The following SEC23IP variants were observed in gnomAD, a reference collection of about 807,000 sequenced individuals.
SEC23IP encodes the protein SEC23 interacting protein.
SEC23IP carries 70 observed loss-of-function variants against 113.4 expected under a neutral mutation model. That is an observed-to-expected ratio of 0.62 (90% CI 0.51 to 0.75). The LOEUF is 0.75. SEC23IP is among the 30% of genes least tolerant of loss of function. SEC23IP has a pLI of 0.00. For missense variants in SEC23IP, 1,160 were observed against 1,204.9 expected, an observed-to-expected ratio of 0.96 and a Z score of 0.55; for synonymous variants, 398 against 421.0, an observed-to-expected ratio of 0.95 and a Z score of 0.67.
At chr10:119,931,439 A>AT (rs1403729399) in intron 15 of SEC23IP, among the ~76,000 whole-genome samples, 1 of 150,940 alleles carries the variant, frequency 6.6e-6, no homozygotes, top group African/African-American at 2.4e-5. Context: ...GCCTCAAATG[A>AT]TTCTCTCTTC....
intron 18 of SEC23IP, among the ~76,000 whole-genome samples, chr10:119,937,624 TAA>T (rs970542628): frequency 7.1e-6 from 1 of 141,090 alleles, no homozygotes; most frequent in Admixed American, 7.1e-5. Flanking sequence ...AGACTCCGTC[TAA>T]AAAAAAAAAA....
intron 12 of SEC23IP, among the ~76,000 whole-genome samples, chr10:119,924,897 C>G (rs1472155896): frequency 1.3e-5 from 2 of 152,074 alleles, no homozygotes; most frequent in East Asian, 3.9e-4. Flanking sequence ...CCCACCTCAT[C>G]CTCCCAAGTA....
intron 4 of SEC23IP, among the ~76,000 whole-genome samples, chr10:119,906,661 A>C (rs1854677416): frequency 6.6e-6 from 1 of 152,042 alleles, no homozygotes; most frequent in African/African-American, 2.4e-5. Context: ...CTGTAACCTC[A>C]GCCTCCTGGG....
intron 4 of SEC23IP, among the ~76,000 whole-genome samples, chr10:119,905,006 C>T (rs969165020): frequency 1.3e-4 from 20 of 152,016 alleles, no homozygotes; most frequent in African/African-American, 3.4e-4. Flanking sequence ...TGGTGGCACA[C>T]GCTAGTAGTC....
chr10:119,929,540 T>G, intron 13 of SEC23IP, 67 bp from the exon 14 acceptor site: 7 of 1,449,402 alleles, frequency 4.8e-6, no homozygotes, highest in Non-Finnish European at 6.7e-6. Flanking sequence ...GGCCTGAAAA[T>G]TCAAAAGAAT....
intron 13 of SEC23IP, among the ~76,000 whole-genome samples, chr10:119,926,690 G>A (rs1855436374): frequency 1.3e-5 from 2 of 152,150 alleles, no homozygotes; most frequent in Admixed American, 1.3e-4. Context: ...GTATCACAGT[G>A]GCTTTTAGAA....
chr10:119,902,176 G>A (rs1184284858), intron 2 of SEC23IP, among the ~76,000 whole-genome samples: 1 of 152,076 alleles, frequency 6.6e-6, no homozygotes, highest in Non-Finnish European at 1.5e-5. Context: ...GACCAACCTG[G>A]AGAAACCCTG....
chr10:119,904,707 A>G (rs1854607801), intron 4 of SEC23IP: 1 of 155,816 alleles, frequency 6.4e-6, no homozygotes, highest in Admixed American at 6.4e-5. Context: ...AATTTCTTCA[A>G]GAAATTATAT....
In SEC23IP at chr10:119,918,780, C is replaced by T. The variant is rs1247757579; in HGVS notation, c.1872+269C>T. Among the ~76,000 whole-genome samples the T allele has an allele frequency of 2.0e-5, 3 of 152,098 alleles. No homozygotes were observed. The East Asian group carries it at 5.8e-4, about 29-fold the overall frequency. On this transcript the variant is annotated intron_variant, in intron 10 of 18. Transcript: ENST00000369075. ...ACAGTTATAGGCCCAAATATAATAGCTTCCGTGTCCAGCCCTGAAACTGGT... is the reference window on the plus strand; with the variant it reads ...ACAGTTATAGGCCCAAATATAATAGTTTCCGTGTCCAGCCCTGAAACTGGT...
At chr10:119,921,102 G>A (rs755811856) in intron 12 of SEC23IP, 118 bp downstream of exon 12, 15 of 651,546 alleles carry the variant, frequency 2.3e-5, no homozygotes, top group Non-Finnish European at 3.9e-5. Context: ...CCTACCTAGG[G>A]CACAGTAATG....
Position 119,932,171 on chromosome 10 carries a change from A to G in SEC23IP, c.2611A>G (p.Lys871Glu). 6.2e-7 allele frequency: 1 copy of G among 1,612,950 alleles called. No individual in the cohort carries two copies. Among genetic ancestry groups the G allele is most frequent in the Non-Finnish European group, 8.5e-7 (1 of 1,178,926 alleles). The change falls in exon 16 of 19, where the codon AAG (lysine) becomes GAG (glutamate). Residue 871 changes from lysine (K) to glutamate (E), a missense_variant. Physicochemically the swap from Lys to Glu is moderately conservative, Grantham distance 56 (BLOSUM62 1). Coordinates refer to ENST00000369075, the MANE Select transcript of SEC23IP (RefSeq NM_007190.4). ...ESLSRMGSDLKQGFISSLKSA... is the reference protein window; with the variant it reads ...ESLSRMGSDLEQGFISSLKSA... The stretch of plus-strand genomic sequence containing the variant: ...TCTCTCTCGTATGGGATCTGATTTG[A>G]AGCAGGGTTTTATTAGCTCTCTCAA...
rs373630628 is a variant in SEC23IP at position 119,929,689 on chromosome 10, T to C, written c.2396T>C (p.Ile799Thr). ...TCTCCAATTGCTATGTTTCTCACTA[T>C]TCGAGGAGTTGATAGGATAGATGAG... ...LGSPIAMFLT[I>T]RGVDRIDENY... The change falls in exon 14 of 19, where the codon ATT (isoleucine) becomes ACT (threonine). Residue 799 changes from isoleucine (I) to threonine (T), a missense_variant. Ile to Thr is a moderately conservative substitution (Grantham distance 89, BLOSUM62 -1). Coordinates refer to ENST00000369075, the MANE Select transcript of SEC23IP (RefSeq NM_007190.4). The C allele has an allele frequency of 1.2e-6, 2 of 1,602,346 alleles. No homozygotes were observed. Among genetic ancestry groups the C allele is most frequent in the Non-Finnish European group, 1.7e-6 (2 of 1,169,208 alleles).
intron 18 of SEC23IP, among the ~76,000 whole-genome samples, chr10:119,939,285 C>T (rs1729706207): frequency 1.3e-5 from 2 of 152,038 alleles, no homozygotes; most frequent in Admixed American, 6.6e-5. Flanking sequence ...TACCACTGCA[C>T]TCCAGCCTGG....
At chr10:119,907,404 CACTGTT>C (rs1204534370) in intron 4 of SEC23IP, among the ~76,000 whole-genome samples, 2 of 152,022 alleles carry the variant, frequency 1.3e-5, no homozygotes, top group Admixed American at 6.5e-5. Flanking sequence ...GTCAAATACT[CACTGTT>C]ACTAGTTTTA....
chr10:119,917,922 G>A lies in SEC23IP; in HGVS notation c.1631G>A (p.Ser544Asn). Residue 544 changes from serine to asparagine, a missense_variant, in exon 9 of 19, where the codon AGC becomes AAC. Transcript: ENST00000369075. ...ETLLDILFYN[S>N]PTYCQTIVEK... The stretch of plus-strand genomic sequence containing the variant: ...TTGCTAGATATTTTATTTTATAACA[G>A]CCCCACCTACTGTCAGACAATTGTG... 4 of 1,613,872 alleles carry A rather than the reference G, an allele frequency of 2.5e-6. No individual in the cohort carries two copies. The highest frequency in any genetic ancestry group is 3.4e-6 in the Non-Finnish European group (4 of 1,179,816).
intron 12 of SEC23IP, among the ~76,000 whole-genome samples, chr10:119,922,953 T>C (rs1855295285): frequency 6.7e-6 from 1 of 148,968 alleles, no homozygotes; most frequent in South Asian, 2.1e-4. Context: ...GCGTGCTCCA[T>C]ACAGAAAAAT....
At chr10:119,907,472 CA>C (rs1278041728) in intron 4 of SEC23IP, among the ~76,000 whole-genome samples, 2 of 151,846 alleles carry the variant, frequency 1.3e-5, no homozygotes, top group Admixed American at 1.3e-4. Context: ...AATAAATGAA[CA>C]AAAAAAAGGA....
Position 119,942,697 on chromosome 10 carries a change from A to G in SEC23IP, c.*2132A>G, listed in dbSNP as rs1024957963. The G allele has an allele frequency of 6.6e-6, 1 of 152,232 alleles. No homozygotes were observed. The highest frequency in any genetic ancestry group is 2.4e-5 in the African/African-American group (1 of 41,456). The allele number at this position is 152,232 out of a possible 1,614,324, so 9.4% of individuals were successfully genotyped here. A position where few individuals can be genotyped will look rare whatever the true frequency, so the allele number is the denominator to read the frequency against. Reference sequence around the variant, plus strand: ...GTAAAAAGCGCCAGCATCTGAAGTCAAAGGTGAAAGAGTCATCACAGTACT... The same window carrying G: ...GTAAAAAGCGCCAGCATCTGAAGTCGAAGGTGAAAGAGTCATCACAGTACT... On this transcript the variant is annotated 3_prime_UTR_variant, in exon 19 of 19. Transcript: ENST00000369075.
In SEC23IP at chr10:119,898,682, C is replaced by T; in HGVS notation, c.419C>T (p.Ala140Val). 1.2e-6 allele frequency: 2 copies of T among 1,614,230 alleles called. No homozygotes were observed. Among genetic ancestry groups the T allele is most frequent in the Non-Finnish European group, 1.7e-6 (2 of 1,180,034 alleles). ...SNAFSPSISK[A>V]QPGAPPSSLM... is the part of the protein sequence containing the mutation. ...GCATTTTCACCATCCATTTCGAAGG[C>T]TCAACCTGGTGCTCCACCTTCCTCA... is the stretch of plus-strand genomic sequence containing the variant. The change falls in exon 2 of 19, where the codon GCT becomes GTT. Residue 140 changes from alanine (A) to valine (V), a missense_variant. Coordinates refer to ENST00000369075, the MANE Select transcript of SEC23IP (RefSeq NM_007190.4).
Sources: allele counts gnomAD v4.1 joint callset (sites outside exome capture counted in the v4.1 genomes callset), GRCh38; gene constraint gnomAD v4.1.1; transcripts MANE v1.5; gene names NCBI Gene and HGNC (gene_info 2026-07-23, HGNC 2026-07-21).